Variants in REEP3 observed in about 807,000 individuals in gnomAD.
REEP3 encodes the protein receptor expression-enhancing protein 3.
REEP3 carries 20 observed loss-of-function variants against 41.3 expected under a neutral mutation model. That is an observed-to-expected ratio of 0.48 (90% CI 0.34 to 0.70). The LOEUF (loss-of-function observed/expected upper bound fraction) is 0.70. Among genes scored for constraint, REEP3 ranks in the 30% least tolerant of loss-of-function variants. The pLI is 0.01. For synonymous variants in REEP3, 104 were observed against 101.8 expected (o/e 1.02, Z -0.13); for missense variants, 271 against 308.8 (o/e 0.88, Z 0.92).
chr10:63,565,467 A>G (rs1955789682), intron 1 of REEP3, among the ~76,000 whole-genome samples: 2 of 152,202 alleles, frequency 1.3e-5, no homozygotes, highest in African/African-American at 4.8e-5. Flanking sequence ...ATTAAGTCCT[A>G]TTCGTGATTT....
rs1262932388 is a variant in REEP3, at chr10:63,623,034, A to C, written c.*2165A>C. The stretch of plus-strand genomic sequence containing the variant: ...TTTTATCTCTCTAAAGTCTGGTCCC[A>C]GTATTAAACCTATTCTTTAGTAAAC... On this transcript the variant is annotated 3_prime_UTR_variant, in exon 8 of 8. Coordinates refer to ENST00000373758, the MANE Select transcript of REEP3 (RefSeq NM_001001330.3). The C allele has an allele frequency of 6.6e-6, 1 of 152,214 alleles. No individual in the cohort carries two copies. Among genetic ancestry groups the C allele is most frequent in the African/African-American group, 2.4e-5 (1 of 41,462 alleles). 9.4% of individuals were successfully genotyped at this position (152,214 alleles called of 1,614,324 possible).
chr10:63,552,599 C>T (rs1041613711), intron 1 of REEP3, among the ~76,000 whole-genome samples: 2 of 152,140 alleles, frequency 1.3e-5, no homozygotes, highest in African/African-American at 2.4e-5. Context: ...GAACAGTGCC[C>T]TCATGATGAG....
At chr10:63,557,596 G>A (rs1589866055) in intron 1 of REEP3, among the ~76,000 whole-genome samples, 1 of 152,140 alleles carries the variant, frequency 6.6e-6, no homozygotes, top group Non-Finnish European at 1.5e-5. Flanking sequence ...GTGTTGCAGG[G>A]TTGGGGACCA....
At chr10:63,618,045 C>T (rs894079934) in intron 6 of REEP3, among the ~76,000 whole-genome samples, 2 of 151,240 alleles carry the variant, frequency 1.3e-5, no homozygotes, top group African/African-American at 2.4e-5. Context: ...AGGCTGGTCT[C>T]GAACTCCTGA....
At chr10:63,568,093 TGGCTTGAA>T (rs1169313582) in intron 2 of REEP3, among the ~76,000 whole-genome samples, 1 of 148,274 alleles carries the variant, frequency 6.7e-6, no homozygotes, top group Non-Finnish European at 1.5e-5. Flanking sequence ...ATTTTATACA[TGGCTTGAA>T]GGTTCATATT....
rs150920729 is a variant in REEP3 at position 63,573,109 on chromosome 10, A to G, written c.105+6699A>G. 1.1e-3 allele frequency among the ~76,000 whole-genome samples: 169 copies of G among 152,328 alleles called. 4 individuals carry two copies. The East Asian group carries it at 0.032, about 29-fold the overall frequency. ...CTTCTTCCCACCCCCAACTACTACC[A>G]TTCCCCTTAAGCCTGCAAATGGTAG... On this transcript the variant is annotated intron_variant, in intron 2 of 7. Transcript: ENST00000373758.
chr10:63,563,060 G>A, intron 1 of REEP3: 1 of 451,952 alleles, frequency 2.2e-6, no homozygotes, highest in East Asian at 7.0e-5. Flanking sequence ...ACAGCTAGAA[G>A]GCTACAAGCC....
chr10:63,529,922 G>C (rs1011728324), intron 1 of REEP3, among the ~76,000 whole-genome samples: 20 of 151,834 alleles, frequency 1.3e-4, no homozygotes, highest in Non-Finnish European at 2.5e-4. Context: ...GGGATTACAG[G>C]TGGCCACCAC....
At chr10:63,594,310 C>T (rs1356217847) in intron 2 of REEP3, among the ~76,000 whole-genome samples, 1 of 151,958 alleles carries the variant, frequency 6.6e-6, no homozygotes, top group Non-Finnish European at 1.5e-5. Flanking sequence ...ATCACTTGCA[C>T]TGGAAGGTCA....
At chr10:63,562,254 A>AG (rs1369940491) in intron 1 of REEP3, among the ~76,000 whole-genome samples, 1 of 145,418 alleles carries the variant, frequency 6.9e-6, no homozygotes, top group East Asian at 2.2e-4. Context: ...AATAAGGCAG[A>AG]GTTTTTTTTT....
In REEP3 at chr10:63,624,007, T is replaced by C. The variant is rs1053988915; in HGVS notation, c.*3138T>C. 3.3e-5 allele frequency: 5 copies of C among 152,284 alleles called. No individual in the cohort carries two copies. The highest frequency in any genetic ancestry group is 1.2e-4 in the African/African-American group (5 of 41,450). The allele number at this position is 152,284 out of a possible 1,614,324, so 9.4% of individuals were successfully genotyped here. ...TTTTTCCTTTTTTAGAATAACACAGTCTGTGCTTTCCAAAAATGCTTGAAC... is the reference window on the plus strand; with the variant it reads ...TTTTTCCTTTTTTAGAATAACACAGCCTGTGCTTTCCAAAAATGCTTGAAC... On this transcript the variant is annotated 3_prime_UTR_variant, in exon 8 of 8. Transcript: ENST00000373758.
intron 1 of REEP3, among the ~76,000 whole-genome samples, chr10:63,558,317 A>G (rs570823200): frequency 6.6e-6 from 1 of 152,358 alleles, no homozygotes; most frequent in South Asian, 2.1e-4. Context: ...GACCAGGGTC[A>G]GCAGAAACAA....
At chr10:63,591,582 CT>C (rs1956064591) in intron 2 of REEP3, among the ~76,000 whole-genome samples, 1 of 152,178 alleles carries the variant, frequency 6.6e-6, no homozygotes, top group South Asian at 2.1e-4. Flanking sequence ...AAGTTGAAGC[CT>C]TTTCTCTCTC....
chr10:63,539,823 C>T (rs1172582980), intron 1 of REEP3, among the ~76,000 whole-genome samples: 2 of 152,058 alleles, frequency 1.3e-5, no homozygotes, highest in East Asian at 1.9e-4. Context: ...GGGATGGCAC[C>T]TGGACATACT....
chr10:63,619,784 C>T lies in REEP3; in HGVS notation c.695C>T (p.Thr232Ile). ...CAAAGCATGAAATCTGTGAAAACCACCAAAGGCCGCAAAGAGGTTGGTTAA... is the reference window on the plus strand; with the variant it reads ...CAAAGCATGAAATCTGTGAAAACCATCAAAGGCCGCAAAGAGGTTGGTTAA... ...RSQSMKSVKT[T>I]KGRKEVRYGS... is the part of the protein sequence containing the mutation. The change falls in exon 7 of 8, where the codon ACC becomes ATC. Residue 232 changes from threonine (T) to isoleucine (I), a missense_variant. Physicochemically the swap from Thr to Ile is moderately conservative, Grantham distance 89. Coordinates refer to ENST00000373758, the MANE Select transcript of REEP3 (RefSeq NM_001001330.3). 1 of 1,609,036 alleles carries T rather than the reference C, an allele frequency of 6.2e-7. No homozygotes were observed. The highest frequency in any genetic ancestry group is 8.5e-7 in the Non-Finnish European group (1 of 1,177,650).
intron 2 of REEP3, among the ~76,000 whole-genome samples, chr10:63,584,639 G>A (rs755138248): frequency 3.9e-5 from 6 of 151,924 alleles, no homozygotes; most frequent in Non-Finnish European, 8.8e-5. Flanking sequence ...GATGGAGTGG[G>A]GGGGGAATCA....
At chr10:63,594,919 C>A in intron 3 of REEP3, 65 bp downstream of exon 3, 1 of 984,610 alleles carries the variant, frequency 1.0e-6, no homozygotes, top group Non-Finnish European at 1.6e-6. Flanking sequence ...AAGTTCTTAT[C>A]CTGCTCTTGC....
chr10:63,528,630 C>T (rs766682261), intron 1 of REEP3, among the ~76,000 whole-genome samples: 1 of 152,182 alleles, frequency 6.6e-6, no homozygotes, highest in Admixed American at 6.5e-5. Flanking sequence ...AAGCCAGGTC[C>T]TTATGATGGT....
At chr10:63,594,968 CA>C in intron 3 of REEP3, 114 bp downstream of exon 3, 6 of 722,840 alleles carry the variant, frequency 8.3e-6, no homozygotes, top group Non-Finnish European at 1.5e-5. Flanking sequence ...CCTAATTATC[CA>C]CCCATTTGTT....
Sources: gnomAD v4.1 joint callset for allele counts (sites outside exome capture counted in the v4.1 genomes callset) on GRCh38, gnomAD v4.1.1 for gene constraint, MANE v1.5 for transcripts, NCBI Gene and HGNC (gene_info 2026-07-23, HGNC 2026-07-21) for gene names.